Variants in BAG4 observed in about 807,000 individuals in gnomAD.
BAG4 encodes the protein BAG cochaperone 4, also known as BAG family molecular chaperone regulator 4.
Under a neutral mutation model 52.1 loss-of-function variants are expected in BAG4, and 28 were observed. The ratio of observed to expected loss-of-function variants is 0.54; its 90% CI spans 0.40 to 0.74. The LOEUF is 0.74. BAG4 is among the 30% of genes least tolerant of loss of function. The pLI, the probability that BAG4 is intolerant of heterozygous loss-of-function variation, is 0.00. For synonymous variants in BAG4, 208 were observed against 217.0 expected, an observed-to-expected ratio of 0.96 and a Z score of 0.37; for missense variants, 525 against 572.0, an observed-to-expected ratio of 0.92 and a Z score of 0.84.
intron 3 of BAG4, among the ~76,000 whole-genome samples, chr8:38,208,806 A>T (rs1179782302): frequency 6.6e-6 from 1 of 152,112 alleles, no homozygotes; most frequent in East Asian, 1.9e-4. Flanking sequence ...TTGTCATTAA[A>T]TCTACCCCTG....
chr8:38,209,901 T>G, intron 4 of BAG4, 107 bp from the exon 5 acceptor site: 3 of 1,439,766 alleles, frequency 2.1e-6, no homozygotes, highest in Non-Finnish European at 2.8e-6. Context: ...TTAGGGAATC[T>G]TTTCATGTAC....
rs192026015 is a variant in BAG4, at chr8:38,192,173, A to G, written c.271-515A>G. On this transcript the variant is annotated intron_variant, in intron 1 of 4. Coordinates refer to ENST00000287322, the MANE Select transcript of BAG4 (RefSeq NM_004874.4). ...TTCCAAAGTTATTGGTAAATATAAC[A>G]GTAGCAAAGAACCATTTTGTTGCAC... Among the ~76,000 whole-genome samples, 32 of 152,392 alleles carry G rather than the reference A, an allele frequency of 2.1e-4. No homozygotes were observed. The East Asian group carries it at 4.8e-3, about 23-fold the overall frequency.
Position 38,207,715 on chromosome 8 carries a change from G to A in BAG4, c.582G>A (p.Gln194=), listed in dbSNP as rs754617391. The change falls in exon 3 of 5, where the codon CAG becomes CAA. Residue 194 remains glutamine, a synonymous_variant. Coordinates refer to ENST00000287322, the MANE Select transcript of BAG4 (RefSeq NM_004874.4). ...GGATCTATCCCCAGCAGGACTGTCA[G>A]ACTGAAGCACCCCCTCTTAGGGGGC... The part of the protein sequence containing the change: ...SRWIYPQQDC[Q]TEAPPLRGQV... The A allele has an allele frequency of 6.2e-7, 1 of 1,614,140 alleles. No individual in the cohort carries two copies. The highest frequency in any genetic ancestry group is 8.5e-7 in the Non-Finnish European group (1 of 1,180,026).
At chr8:38,194,790 T>A (rs1365409208) in intron 2 of BAG4, among the ~76,000 whole-genome samples, 1 of 151,800 alleles carries the variant, frequency 6.6e-6, no homozygotes, top group Non-Finnish European at 1.5e-5. Flanking sequence ...AATTGTCATA[T>A]TTGCATATTT....
intron 1 of BAG4, among the ~76,000 whole-genome samples, chr8:38,187,601 A>G (rs2130667874): frequency 6.6e-6 from 1 of 152,336 alleles, no homozygotes; most frequent in Non-Finnish European, 1.5e-5. Context: ...TAACATTTGT[A>G]GACATAATGT....
At chr8:38,198,434 T>A (rs1257955029) in intron 2 of BAG4, among the ~76,000 whole-genome samples, 2 of 149,796 alleles carry the variant, frequency 1.3e-5, no homozygotes, top group Non-Finnish European at 3.0e-5. Context: ...TTTCTTTATA[T>A]CCTTATTCTA....
intron 2 of BAG4, among the ~76,000 whole-genome samples, chr8:38,200,442 T>C (rs935594089): frequency 6.6e-6 from 1 of 152,200 alleles, no homozygotes; most frequent in African/African-American, 2.4e-5. Context: ...AAATTTGAAA[T>C]CAGGAAGTAT....
intron 1 of BAG4, 27 bp downstream of exon 1, chr8:38,177,166 G>C (rs1351193139): frequency 6.2e-7 from 1 of 1,607,376 alleles, no homozygotes; most frequent in South Asian, 1.1e-5. Flanking sequence ...CTGTCCTTGC[G>C]GGGAGGTGAG....
intron 1 of BAG4, among the ~76,000 whole-genome samples, chr8:38,186,010 G>A (rs1284505399): frequency 6.6e-6 from 1 of 152,086 alleles, no homozygotes; most frequent in Non-Finnish European, 1.5e-5. Context: ...AGAACACAGG[G>A]CTCCAGCTCC....
intron 2 of BAG4, among the ~76,000 whole-genome samples, chr8:38,193,483 C>T (rs1041110065): frequency 2.0e-5 from 3 of 152,152 alleles, no homozygotes; most frequent in Non-Finnish European, 4.4e-5. Context: ...TTTCTGTTTG[C>T]CACATTTGTT....
chr8:38,198,828 G>A (rs1038990914), intron 2 of BAG4, among the ~76,000 whole-genome samples: 11 of 152,040 alleles, frequency 7.2e-5, no homozygotes, highest in African/African-American at 2.7e-4. Context: ...AAAGGGAGAC[G>A]CAAACATACA....
intron 1 of BAG4, among the ~76,000 whole-genome samples, chr8:38,184,809 G>A (rs573519463): frequency 5.3e-5 from 8 of 152,242 alleles, no homozygotes; most frequent in Admixed American, 3.3e-4. Flanking sequence ...CTGTGCTTGC[G>A]GCCGGGCGCA....
rs1446052261 is a variant in BAG4, at chr8:38,211,152, G to A, written c.*659G>A. On this transcript the variant is annotated 3_prime_UTR_variant, in exon 5 of 5. Transcript: ENST00000287322. ...TTGAATATACTGCAATGTGTAGTGA[G>A]TAAATTGTCTCCCTTTTTCTATAGA... is the stretch of plus-strand genomic sequence containing the variant. 1.4e-5 allele frequency: 2 copies of A among 146,996 alleles called. No individual in the cohort carries two copies. Among genetic ancestry groups the A allele is most frequent in the African/African-American group, 5.0e-5 (2 of 40,156 alleles). 9.1% of individuals were successfully genotyped at this position (146,996 alleles called of 1,614,324 possible).
intron 2 of BAG4, among the ~76,000 whole-genome samples, chr8:38,198,974 C>G (rs1033920228): frequency 1.3e-5 from 2 of 152,124 alleles, no homozygotes; most frequent in Non-Finnish European, 2.9e-5. Context: ...CAAAGGACCT[C>G]CTTGTGGCTG....
chr8:38,180,245 G>C (rs1466148198), intron 1 of BAG4, among the ~76,000 whole-genome samples: 2 of 152,014 alleles, frequency 1.3e-5, no homozygotes, highest in Non-Finnish European at 2.9e-5. Context: ...TATGTTGGCC[G>C]GGCGTGGTGG....
chr8:38,199,950 T>C (rs925009568), intron 2 of BAG4, among the ~76,000 whole-genome samples: 10 of 152,176 alleles, frequency 6.6e-5, no homozygotes, highest in African/African-American at 2.2e-4. Flanking sequence ...TGGATAGTTA[T>C]GTCTCAGTAT....
At chr8:38,209,322 A>G (rs756247252) in intron 4 of BAG4, 55 bp downstream of exon 4, 18 of 1,606,112 alleles carry the variant, frequency 1.1e-5, no homozygotes, top group Non-Finnish European at 1.5e-5. Flanking sequence ...AGAACATAAC[A>G]TGGTTTATAT....
At chr8:38,201,274 C>T (rs111388734) in intron 2 of BAG4, among the ~76,000 whole-genome samples, 1 of 152,054 alleles carries the variant, frequency 6.6e-6, no homozygotes, top group Non-Finnish European at 1.5e-5. Context: ...TATTTTCTGG[C>T]GAAACATCAC....
Position 38,210,125 on chromosome 8 carries a change from G to C in BAG4, c.1006G>C (p.Asp336His), listed in dbSNP as rs1443010380. The C allele has an allele frequency of 6.2e-7, 1 of 1,614,102 alleles. No individual in the cohort carries two copies. The highest frequency in any genetic ancestry group is 1.1e-5 in the South Asian group (1 of 91,070). ...TVNNDDSDLLDSQVQYSAEPQ... is the reference protein window; with the variant it reads ...TVNNDDSDLLHSQVQYSAEPQ... ...GAACAATGATGATTCAGATCTTTTG[G>C]ATTCCCAAGTCCAGTATAGTGCTGA... Residue 336 changes from aspartate (D) to histidine (H), a missense_variant, in exon 5 of 5, where the codon GAT becomes CAT. This residue lies in a region of BAG4 where 238 missense variants were observed against 305.8 expected (regional missense o/e 0.78). Coordinates refer to ENST00000287322, the MANE Select transcript of BAG4 (RefSeq NM_004874.4).
Sources: gnomAD v4.1 joint callset for allele counts (sites outside exome capture counted in the v4.1 genomes callset) on GRCh38, gnomAD v4.1.1 for gene constraint, gnomAD v4.1.1 regional missense constraint, MANE v1.5 for transcripts, NCBI Gene and HGNC (gene_info 2026-07-23, HGNC 2026-07-21) for gene names.